PTPRN2: variants seen among roughly 807,000 people sequenced by gnomAD.
PTPRN2 encodes the protein receptor-type tyrosine-protein phosphatase N2.
In PTPRN2, 74 loss-of-function variants were observed where a neutral mutation model predicts 118.8. The observed-to-expected ratio is 0.62, with a 90% confidence interval of 0.52 to 0.76. The LOEUF (loss-of-function observed/expected upper bound fraction) is 0.76. Ranked by LOEUF, PTPRN2 falls within the 30% of genes least tolerant of loss-of-function variation. The probability of loss-of-function intolerance (pLI) is 0.00; values close to 1 mark genes in which losing one functional copy is unlikely to be tolerated. For missense variants in PTPRN2, 1,481 were observed against 1,394.4 expected (o/e 1.06, Z -0.99); for synonymous variants, 641 against 608.0 (o/e 1.05, Z -0.80).
intron 1 of PTPRN2, among the ~76,000 whole-genome samples, chr7:158,533,997 G>A (rs575481413): frequency 5.5e-4 from 83 of 152,282 alleles, no homozygotes; most frequent in African/African-American, 1.9e-3. Context: ...GCCAGTGCAG[G>A]TTGTGACCAC....
At position 158,092,205 on chromosome 7, in the gene PTPRN2, C is replaced by CATAT. The variant is rs149332395; in HGVS notation, c.1644-10832_1644-10829dup. Among the ~76,000 whole-genome samples, 14 of 147,656 alleles carry CATAT rather than the reference C, an allele frequency of 9.5e-5. No individual in the cohort carries two copies. The East Asian group carries it at 1.8e-3, about 19-fold the overall frequency. On this transcript the variant is annotated intron_variant, in intron 10 of 22. Coordinates refer to ENST00000389418, the MANE Select transcript of PTPRN2 (RefSeq NM_002847.5). ...ATACACATATACATGTATATGTGTGCATATATATATATACACACATATATG... is the reference window on the plus strand; with the variant it reads ...ATACACATATACATGTATATGTGTGCATATATATATATATATACACACATATATG...
chr7:157,628,903 G>A (rs182273458), intron 14 of PTPRN2, among the ~76,000 whole-genome samples: 2 of 152,222 alleles, frequency 1.3e-5, no homozygotes, highest in East Asian at 3.9e-4. Context: ...TTTTGAAGAG[G>A]GAAATATTTC....
At chr7:158,460,139 G>T (rs989283423) in intron 2 of PTPRN2, among the ~76,000 whole-genome samples, 20 of 114,354 alleles carry the variant, frequency 1.7e-4, no homozygotes, top group Admixed American at 5.1e-4. Context: ...TGCAGGATGG[G>T]ACTCTATCTA....
rs1365781256 is a variant in PTPRN2 at position 157,868,276 on chromosome 7, G to A, written c.1788+30397C>T. On this transcript the variant is annotated intron_variant, in intron 12 of 22. Coordinates refer to ENST00000389418, the MANE Select transcript of PTPRN2 (RefSeq NM_002847.5). This position sits in a 1 kb window ranked among gnomAD's most constrained non-coding sequence, Gnocchi z 5.2. ...GACTCGGCAAGCCCATCTGAACAGGGCTCTCTGCAGGCAGCCCCAGGCCTG... is the reference window on the plus strand; with the variant it reads ...GACTCGGCAAGCCCATCTGAACAGGACTCTCTGCAGGCAGCCCCAGGCCTG... Among the ~76,000 whole-genome samples, 2 of 152,210 alleles carry A rather than the reference G, an allele frequency of 1.3e-5. No homozygotes were observed. The highest frequency in any genetic ancestry group is 2.4e-5 in the African/African-American group (1 of 41,448).
chr7:157,866,556 C>T (rs1410913726), intron 12 of PTPRN2, among the ~76,000 whole-genome samples: 1 of 152,098 alleles, frequency 6.6e-6, no homozygotes, highest in African/African-American at 2.4e-5. Context: ...CTTGCCATGA[C>T]AACCATGAGG....
chr7:157,679,881 C>T (rs1420431796), intron 13 of PTPRN2, among the ~76,000 whole-genome samples: 1 of 151,910 alleles, frequency 6.6e-6, no homozygotes, highest in African/African-American at 2.4e-5. Flanking sequence ...GAGGATTCAC[C>T]TTTTGGAACC....
Position 157,618,703 on chromosome 7 carries a change from C to T in PTPRN2, c.2344+2659G>A, listed in dbSNP as rs1802952876. The stretch of plus-strand genomic sequence containing the variant: ...GATCTCCTTCCCAAAAGCAAGATGG[C>T]CAAGAGTATGGAGAAGAAAGTAGGT... On this transcript the variant is annotated intron_variant, in intron 15 of 22. Transcript: ENST00000389418. This position sits in a 1 kb window ranked among gnomAD's most constrained non-coding sequence, Gnocchi z 4.2. The T allele has an allele frequency of 6.6e-6, 1 of 152,174 alleles. No individual in the cohort carries two copies. Among genetic ancestry groups the T allele is most frequent in the Non-Finnish European group, 1.5e-5 (1 of 68,040 alleles). The allele number at this position is 152,174 out of a possible 1,614,324, so 9.4% of individuals were successfully genotyped here.
At chr7:157,602,489 G>A (rs1025900509) in intron 16 of PTPRN2, among the ~76,000 whole-genome samples, 1 of 151,488 alleles carries the variant, frequency 6.6e-6, no homozygotes, top group Non-Finnish European at 1.5e-5. Context: ...TCTGCCATCA[G>A]TGGCCGCCGA....
At chr7:158,184,683 G>T (rs549772218) in intron 5 of PTPRN2, among the ~76,000 whole-genome samples, 2 of 152,124 alleles carry the variant, frequency 1.3e-5, no homozygotes, top group Non-Finnish European at 2.9e-5. Flanking sequence ...ATGGTGGTGG[G>T]TGCCTATAAT....
chr7:157,974,269 G>A lies in PTPRN2; in HGVS notation c.1724-75532C>T, dbSNP rs1337432107. Among the ~76,000 whole-genome samples, 33 of 152,188 alleles carry A rather than the reference G, an allele frequency of 2.2e-4. No homozygotes were observed. The highest frequency in any genetic ancestry group is 2.2e-3 in the Admixed American group (33 of 15,282). The stretch of plus-strand genomic sequence containing the variant: ...TCCCACTAGCATTTTCTCATCTCCA[G>A]CACGGTGTCAATGGTGCCACTCCAG... On this transcript the variant is annotated intron_variant, in intron 11 of 22. Coordinates refer to ENST00000389418, the MANE Select transcript of PTPRN2 (RefSeq NM_002847.5). The surrounding 1 kb of genome is among the most constrained non-coding windows in gnomAD (Gnocchi z 4.0).
At position 158,218,744 on chromosome 7, in the gene PTPRN2, A is replaced by G. The variant is rs78431013; in HGVS notation, c.278-13471T>C. 8.9e-3 allele frequency among the ~76,000 whole-genome samples: 1,355 copies of G among 152,310 alleles called. 24 individuals carry two copies. The highest frequency in any genetic ancestry group is 0.031 in the African/African-American group (1,282 of 41,566). ...AAAGTAAAGGGATGGAGAAAGATCT[A>G]TCTTGTAAGTGGAAAACAACAAAGA... On this transcript the variant is annotated intron_variant, in intron 3 of 22. Transcript: ENST00000389418.
chr7:157,998,106 G>A (rs1186385638), intron 11 of PTPRN2, among the ~76,000 whole-genome samples: 2 of 136,676 alleles, frequency 1.5e-5, no homozygotes, highest in African/African-American at 5.8e-5. Context: ...TACAGGGCGA[G>A]GGGGAGAGGA....
chr7:157,908,151 T>C (rs1797882846), intron 11 of PTPRN2, among the ~76,000 whole-genome samples: 1 of 152,240 alleles, frequency 6.6e-6, no homozygotes, highest in African/African-American at 2.4e-5. Flanking sequence ...TCTCATTCTC[T>C]GCTCTGGATC....
At chr7:157,578,780 G>A (rs1286875460) in intron 17 of PTPRN2, among the ~76,000 whole-genome samples, 3 of 152,218 alleles carry the variant, frequency 2.0e-5, no homozygotes, top group Admixed American at 6.5e-5. Context: ...CTCTGACCTC[G>A]TTTCTTTGCA....
intron 6 of PTPRN2, among the ~76,000 whole-genome samples, chr7:158,165,134 A>AGCGCAGGAGGCAGTG (rs1491363576): frequency 5.7e-4 from 16 of 28,272 alleles, no homozygotes; most frequent in East Asian, 2.3e-3. Context: ...TCTAGTACAC[A>AGCGCAGGAGGCAGTG]AAGAGTGCAG....
intron 6 of PTPRN2, among the ~76,000 whole-genome samples, chr7:158,150,061 C>A (rs1046232856): frequency 1.3e-5 from 2 of 152,116 alleles, no homozygotes; most frequent in South Asian, 4.1e-4. Flanking sequence ...GATAAGAAAA[C>A]AGAGTCATCT....
chr7:157,818,147 ATGTGTGGTGTGTGTGGTAGG>A (rs1806549447), intron 12 of PTPRN2, among the ~76,000 whole-genome samples: 1 of 149,890 alleles, frequency 6.7e-6, no homozygotes, highest in Non-Finnish European at 1.5e-5. Context: ...GTGTATGTGC[ATGTGTGGTGTGTGTGGTAGG>A]TGTGTGGTGT....
At position 157,964,138 on chromosome 7, in the gene PTPRN2, C is replaced by T. The variant is rs113090632; in HGVS notation, c.1724-65401G>A. 2.7e-3 allele frequency among the ~76,000 whole-genome samples: 404 copies of T among 152,296 alleles called. 1 individual carries two copies. The highest frequency in any genetic ancestry group is 4.3e-3 in the Non-Finnish European group (294 of 68,034). On this transcript the variant is annotated intron_variant, in intron 11 of 22. Coordinates refer to ENST00000389418, the MANE Select transcript of PTPRN2 (RefSeq NM_002847.5). The surrounding 1 kb of genome is among the most constrained non-coding windows in gnomAD (Gnocchi z 9.0). ...GTGACCTCCCTCTGTGTGGGACCCC[C>T]GTTCCCACTGGCACACCATGGGGAC... is the stretch of plus-strand genomic sequence containing the variant.
rs560303726 is a variant in PTPRN2, at chr7:157,622,696, C to T, written c.2197-1187G>A. On this transcript the variant is annotated intron_variant, in intron 14 of 22. Coordinates refer to ENST00000389418, the MANE Select transcript of PTPRN2 (RefSeq NM_002847.5). This position sits in a 1 kb window ranked among gnomAD's most constrained non-coding sequence, Gnocchi z 5.3. ...CACCTGTGCTGTTTGCGCGACACCCCCGCATCTGGGTGGGTGTGGTGGTGA... is the reference window on the plus strand; with the variant it reads ...CACCTGTGCTGTTTGCGCGACACCCTCGCATCTGGGTGGGTGTGGTGGTGA... Among the ~76,000 whole-genome samples the T allele has an allele frequency of 6.6e-6, 1 of 152,218 alleles. No individual in the cohort carries two copies. The highest frequency in any genetic ancestry group is 1.5e-5 in the Non-Finnish European group (1 of 68,040).
Sources: allele counts gnomAD v4.1 joint callset (sites outside exome capture counted in the v4.1 genomes callset), GRCh38; gene constraint gnomAD v4.1.1; non-coding constraint Gnocchi (gnomAD v3.1); transcripts MANE v1.5; gene names NCBI Gene and HGNC (gene_info 2026-07-23, HGNC 2026-07-21).